Variants in LOXL2 observed in about 807,000 individuals in gnomAD.
The protein encoded by LOXL2 is lysyl oxidase homolog 2.
In LOXL2, 70 loss-of-function variants were observed where a neutral mutation model predicts 93.0. The observed-to-expected ratio is 0.75, with a 90% CI of 0.62 to 0.92. LOXL2 has a LOEUF of 0.92. LOXL2 is among the 40% of genes least tolerant of loss of function. The pLI is 0.00. For synonymous variants in LOXL2, 438 were observed against 413.2 expected (o/e 1.06, Z -0.73); for missense variants, 973 against 1,054.9 (o/e 0.92, Z 1.08).
intron 5 of LOXL2, among the ~76,000 whole-genome samples, chr8:23,332,176 T>TCACACACA (rs1199663769): frequency 6.8e-6 from 1 of 146,460 alleles, no homozygotes; most frequent in African/African-American, 2.5e-5. Context: ...TCACACTCTC[T>TCACACACA]CACACACACA....
Position 23,297,721 on chromosome 8 carries a change from GCTTGAA to G in LOXL2, c.*316_*321del. 5 of 265,834 alleles carry G rather than the reference GCTTGAA, an allele frequency of 1.9e-5. No homozygotes were observed. Among genetic ancestry groups the G allele is most frequent in the South Asian group, 1.5e-4 (2 of 13,722 alleles). The allele number at this position is 265,834 out of a possible 1,614,324, so 16.5% of individuals were successfully genotyped here. ...CACTGTGTCTGTGGTGAGCTCGGTG[GCTTGAA>G]TGGGACAAGCTGATGACAACCTGTC... On this transcript the variant is annotated 3_prime_UTR_variant, in exon 14 of 14. Transcript: ENST00000389131.
At chr8:23,378,418 T>G (rs1280866518) in intron 1 of LOXL2, among the ~76,000 whole-genome samples, 1 of 152,172 alleles carries the variant, frequency 6.6e-6, no homozygotes, top group Admixed American at 6.5e-5. Flanking sequence ...ATTATGTGTC[T>G]TGGAGTTGCT....
chr8:23,387,070 A>C (rs1321801561), intron 1 of LOXL2, among the ~76,000 whole-genome samples: 1 of 152,198 alleles, frequency 6.6e-6, no homozygotes, highest in African/African-American at 2.4e-5. Flanking sequence ...GGGACAAGGC[A>C]AGGTGCCGAA....
At chr8:23,315,585 G>A (rs1486072075) in intron 9 of LOXL2, among the ~76,000 whole-genome samples, 1 of 152,150 alleles carries the variant, frequency 6.6e-6, no homozygotes, top group South Asian at 2.1e-4. Context: ...TCTCTAGAGT[G>A]GTGGGCTTCT....
At chr8:23,346,140 AATAAAT>A (rs1563197415) in intron 3 of LOXL2, among the ~76,000 whole-genome samples, 6 of 86,102 alleles carry the variant, frequency 7.0e-5, no homozygotes, top group East Asian at 5.3e-4. Context: ...AATAAAATAA[AATAAAT>A]AAAATAAAAT....
intron 5 of LOXL2, among the ~76,000 whole-genome samples, chr8:23,332,844 G>A (rs1047314230): frequency 1.5e-5 from 1 of 66,984 alleles, no homozygotes; most frequent in African/African-American, 6.2e-5. Flanking sequence ...ACTCACCCCC[G>A]CACACATACA....
At chr8:23,379,425 A>C (rs765633087) in intron 1 of LOXL2, among the ~76,000 whole-genome samples, 7 of 152,180 alleles carry the variant, frequency 4.6e-5, no homozygotes, top group Non-Finnish European at 8.8e-5. Flanking sequence ...CTCAGATCTC[A>C]AACTCCATGC....
intron 3 of LOXL2, among the ~76,000 whole-genome samples, chr8:23,349,748 A>G (rs76008518): frequency 0.053 from 8,074 of 151,972 alleles, 206 homozygotes; most frequent in Admixed American, 0.083. Flanking sequence ...TTTTTGTATT[A>G]CCCACACAGT....
intron 1 of LOXL2, among the ~76,000 whole-genome samples, chr8:23,403,615 C>G (rs1351984768): frequency 1.3e-5 from 2 of 152,104 alleles, no homozygotes; most frequent in Admixed American, 1.3e-4. Flanking sequence ...GCTGCACTCT[C>G]CAAGACGCCC....
chr8:23,403,715 G>A (rs570757324), intron 1 of LOXL2, among the ~76,000 whole-genome samples: 1 of 151,940 alleles, frequency 6.6e-6, no homozygotes, highest in Admixed American at 6.5e-5. Flanking sequence ...CCCCGGGCGC[G>A]CCAGCAGCCG....
intron 9 of LOXL2, among the ~76,000 whole-genome samples, chr8:23,310,209 G>A (rs934194869): frequency 1.3e-5 from 2 of 152,208 alleles, no homozygotes; most frequent in Non-Finnish European, 2.9e-5. Flanking sequence ...AACAGATCCT[G>A]TGCCTCATAA....
chr8:23,355,149 T>C (rs1359344072), intron 3 of LOXL2, among the ~76,000 whole-genome samples: 1 of 151,656 alleles, frequency 6.6e-6, no homozygotes, highest in Non-Finnish European at 1.5e-5. Flanking sequence ...TTCACCATCT[T>C]GGCCAGGCTG....
intron 3 of LOXL2, among the ~76,000 whole-genome samples, chr8:23,342,517 C>T (rs1162818786): frequency 2.2e-4 from 34 of 151,588 alleles, no homozygotes; most frequent in Admixed American, 1.5e-3. Flanking sequence ...CTGCAAGCTC[C>T]GCCTCCCGGG....
At chr8:23,311,902 T>G (rs531785984) in intron 9 of LOXL2, among the ~76,000 whole-genome samples, 14 of 152,278 alleles carry the variant, frequency 9.2e-5, no homozygotes, top group Admixed American at 3.9e-4. Flanking sequence ...AGAAGTTGTG[T>G]TTTAGTTTTT....
intron 1 of LOXL2, 148 bp from the exon 2 acceptor site, chr8:23,368,582 G>A (rs1456452391): frequency 3.4e-6 from 2 of 580,280 alleles, no homozygotes; most frequent in East Asian, 2.9e-5. Context: ...TTTCCACCAT[G>A]CAGGGCTGGG....
Position 23,333,480 on chromosome 8 carries a change from G to T in LOXL2, c.887C>A (p.Pro296Gln). The T allele has an allele frequency of 6.2e-7, 1 of 1,613,972 alleles. No homozygotes were observed. Among genetic ancestry groups the T allele is most frequent in the Non-Finnish European group, 8.5e-7 (1 of 1,180,044 alleles). The change falls in exon 5 of 14, where the codon CCG (proline) becomes CAG (glutamine). Residue 296 changes from proline (P) to glutamine (Q), a missense_variant. Transcript: ENST00000389131. The stretch of plus-strand genomic sequence containing the variant: ...CCCAGGCACACAACTCACCACGGCC[G>T]GTAGCCCATTCTCGCAGGTGACATT... ...MKNVTCENGL[P>Q]AVVSCVPGQV...
intron 1 of LOXL2, among the ~76,000 whole-genome samples, chr8:23,387,103 C>A (rs1487617692): frequency 2.0e-5 from 3 of 152,198 alleles, no homozygotes; most frequent in Admixed American, 1.3e-4. Context: ...CTGACTGACA[C>A]AAATAAAAGC....
chr8:23,321,023 T>C (rs1386623179), intron 7 of LOXL2, among the ~76,000 whole-genome samples: 1 of 152,030 alleles, frequency 6.6e-6, no homozygotes, highest in African/African-American at 2.4e-5. Flanking sequence ...TCTTGACATC[T>C]CCCACTCTCT....
intron 1 of LOXL2, among the ~76,000 whole-genome samples, chr8:23,393,522 G>A (rs938892563): frequency 1.3e-5 from 2 of 152,138 alleles, no homozygotes; most frequent in Non-Finnish European, 1.5e-5. Context: ...GTTGGGGCCC[G>A]ACCTCATAGC....
Sources: allele counts gnomAD v4.1 joint callset (sites outside exome capture counted in the v4.1 genomes callset), GRCh38; gene constraint gnomAD v4.1.1; transcripts MANE v1.5; gene names NCBI Gene and HGNC (gene_info 2026-07-23, HGNC 2026-07-21).